Variants in PTPRD observed in about 807,000 individuals in gnomAD.
The protein encoded by PTPRD is receptor-type tyrosine-protein phosphatase delta.
In PTPRD, 34 loss-of-function variants were observed where a neutral mutation model predicts 214.5. The ratio of observed to expected loss-of-function variants is 0.16; its 90% CI spans 0.12 to 0.21. The LOEUF (loss-of-function observed/expected upper bound fraction) is 0.21. Among genes scored for constraint, PTPRD ranks in the 10% least tolerant of loss-of-function variants. The pLI, the probability that PTPRD is intolerant of heterozygous loss-of-function variation, is 1.00. For synonymous variants in PTPRD, 1,128 were observed against 845.7 expected, an observed-to-expected ratio of 1.33 and a Z score of -5.79; for missense variants, 2,545 against 2,398.7, an observed-to-expected ratio of 1.06 and a Z score of -1.27.
intron 9 of PTPRD, among the ~76,000 whole-genome samples, chr9:9,388,329 G>A (rs539255951): frequency 6.6e-6 from 1 of 152,208 alleles, no homozygotes; most frequent in South Asian, 2.1e-4. Flanking sequence ...CTAGGTCTGT[G>A]GGGATGGAGC....
intron 44 of PTPRD, among the ~76,000 whole-genome samples, chr9:8,330,990 C>CTAT (rs1330657100): frequency 6.6e-6 from 1 of 151,612 alleles, no homozygotes; most frequent in East Asian, 1.9e-4. Context: ...AATGTCTGAA[C>CTAT]TATTTACTTG....
intron 7 of PTPRD, among the ~76,000 whole-genome samples, chr9:9,662,606 C>T (rs1000547010): frequency 4.6e-5 from 7 of 151,550 alleles, no homozygotes; most frequent in South Asian, 2.1e-4. Context: ...GCTAAGAAAA[C>T]ATTTTCTATT....
chr9:10,274,437 G>A (rs950868208), intron 3 of PTPRD, among the ~76,000 whole-genome samples: 1 of 152,078 alleles, frequency 6.6e-6, no homozygotes, highest in Non-Finnish European at 1.5e-5. Flanking sequence ...ATAGTTTCCT[G>A]CAACCATTAG....
chr9:9,943,024 AAC>A (rs2091890468), intron 4 of PTPRD, among the ~76,000 whole-genome samples: 1 of 152,064 alleles, frequency 6.6e-6, no homozygotes, highest in Non-Finnish European at 1.5e-5. Flanking sequence ...TCCCTGCACT[AAC>A]TCGGGGCAAA....
In PTPRD at chr9:9,377,608, A is replaced by T. The variant is rs2061127578; in HGVS notation, c.-203+19841T>A. ...ACATGGCCAGCAGAGCCATAATCCA[A>T]CCCCCAGCTTTACATAAAACTAAAG... On this transcript the variant is annotated intron_variant, in intron 9 of 45. Transcript: ENST00000381196. Among the ~76,000 whole-genome samples the T allele has an allele frequency of 2.6e-5, 4 of 152,124 alleles. No individual in the cohort carries two copies. In the South Asian group the frequency reaches 8.3e-4, roughly 32 times the overall value.
At chr9:8,855,546 T>C (rs2097900242) in intron 11 of PTPRD, among the ~76,000 whole-genome samples, 1 of 152,174 alleles carries the variant, frequency 6.6e-6, no homozygotes, top group South Asian at 2.1e-4. Flanking sequence ...TTAAAATATA[T>C]TTGAGAGAGA....
intron 5 of PTPRD, among the ~76,000 whole-genome samples, chr9:9,934,984 T>C (rs2088594646): frequency 6.6e-6 from 1 of 152,192 alleles, no homozygotes; most frequent in South Asian, 2.1e-4. Context: ...ACCACATGAT[T>C]ATCTCAATAG....
chr9:8,518,618 C>T (rs973755429), intron 20 of PTPRD, among the ~76,000 whole-genome samples, 189 bp from the exon 21 acceptor site: 1 of 152,152 alleles, frequency 6.6e-6, no homozygotes, highest in African/African-American at 2.4e-5. Context: ...TGACACAAAT[C>T]CTGCTTTCCT....
chr9:8,854,232 G>C (rs965195372), intron 11 of PTPRD, among the ~76,000 whole-genome samples: 1 of 152,076 alleles, frequency 6.6e-6, no homozygotes, highest in Non-Finnish European at 1.5e-5. Context: ...GATGCTCCTA[G>C]GATCACAAGT....
chr9:8,617,938 T>TA (rs55829086), intron 14 of PTPRD, among the ~76,000 whole-genome samples: 2 of 152,062 alleles, frequency 1.3e-5, no homozygotes, highest in Non-Finnish European at 2.9e-5. Context: ...GCTCATTTTT[T>TA]AAAAAAATCA....
chr9:10,537,678 T>G (rs2135102444), intron 2 of PTPRD, among the ~76,000 whole-genome samples: 1 of 152,290 alleles, frequency 6.6e-6, no homozygotes, highest in South Asian at 2.1e-4. Flanking sequence ...TCTCCTTCAG[T>G]GAACACTCCT....
intron 11 of PTPRD, among the ~76,000 whole-genome samples, chr9:8,748,739 C>T (rs1376144759): frequency 6.6e-6 from 1 of 151,852 alleles, no homozygotes; most frequent in Non-Finnish European, 1.5e-5. Context: ...TGGAGAAATC[C>T]CATCTCTACT....
Position 10,136,810 on chromosome 9 carries a change from G to C in PTPRD, c.-544-103020C>G, listed in dbSNP as rs1361918782. On this transcript the variant is annotated intron_variant, in intron 3 of 45. Transcript: ENST00000381196. Reference sequence around the variant, plus strand: ...TTTCGCAACCTACTCATCTGACAAAGGGCTAATATCCAGAATCTACAATGA... The same window carrying C: ...TTTCGCAACCTACTCATCTGACAAACGGCTAATATCCAGAATCTACAATGA... 7.4e-5 allele frequency among the ~76,000 whole-genome samples: 4 copies of C among 53,878 alleles called. 1 individual carries two copies. Among genetic ancestry groups the C allele is most frequent in the African/African-American group, 3.3e-4 (4 of 12,230 alleles). 35.3% of individuals were successfully genotyped at this position (53,878 alleles called of 152,430 possible).
intron 10 of PTPRD, among the ~76,000 whole-genome samples, chr9:9,125,054 T>C (rs2099826539): frequency 6.6e-6 from 1 of 152,178 alleles, no homozygotes. Flanking sequence ...TAGTATCATC[T>C]GTATGCTCCC....
intron 3 of PTPRD, among the ~76,000 whole-genome samples, chr9:10,176,673 C>A (rs2099250375): frequency 6.6e-6 from 1 of 151,966 alleles, no homozygotes; most frequent in Non-Finnish European, 1.5e-5. Flanking sequence ...AAGTGAACTA[C>A]TTTAGGAGTA....
intron 6 of PTPRD, among the ~76,000 whole-genome samples, chr9:9,755,667 C>T (rs940998932): frequency 6.6e-6 from 1 of 151,994 alleles, no homozygotes; most frequent in Non-Finnish European, 1.5e-5. Context: ...AGTAAGGTAG[C>T]ATTTACACAC....
intron 3 of PTPRD, among the ~76,000 whole-genome samples, chr9:10,215,935 A>G (rs2099539162): frequency 6.6e-6 from 1 of 152,006 alleles, no homozygotes; most frequent in Admixed American, 6.6e-5. Flanking sequence ...CATATAAATC[A>G]GAGGACAGAC....
intron 5 of PTPRD, among the ~76,000 whole-genome samples, chr9:9,785,185 A>G (rs894810584): frequency 2.0e-5 from 3 of 152,052 alleles, no homozygotes; most frequent in Non-Finnish European, 4.4e-5. Flanking sequence ...TATAATAAAT[A>G]TAGAAAGGAT....
At chr9:10,126,321 A>G (rs1407637395) in intron 3 of PTPRD, among the ~76,000 whole-genome samples, 1 of 151,980 alleles carries the variant, frequency 6.6e-6, no homozygotes, top group Non-Finnish European at 1.5e-5. Flanking sequence ...AATATTCCAT[A>G]ATATCATCAT....
Sources: allele counts gnomAD v4.1 joint callset (sites outside exome capture counted in the v4.1 genomes callset), GRCh38; gene constraint gnomAD v4.1.1; transcripts MANE v1.5; gene names NCBI Gene and HGNC (gene_info 2026-07-23, HGNC 2026-07-21).